Variants in SMYD2 observed in about 807,000 individuals in gnomAD.
The protein encoded by SMYD2 is N-lysine methyltransferase SMYD2.
A neutral mutation model predicts 59.1 loss-of-function variants in SMYD2; 53 were observed. The ratio of observed to expected loss-of-function variants is 0.90; its 90% CI spans 0.72 to 1.13. The LOEUF is 1.13. Among genes scored for constraint, SMYD2 ranks in the 50% most tolerant of loss-of-function variants. The probability of loss-of-function intolerance (pLI) is 0.00; values close to 1 mark genes in which losing one functional copy is unlikely to be tolerated. For missense variants in SMYD2, 494 were observed against 544.7 expected, an observed-to-expected ratio of 0.91 and a Z score of 0.93; for synonymous variants, 208 against 198.8, an observed-to-expected ratio of 1.05 and a Z score of -0.39.
intron 1 of SMYD2, among the ~76,000 whole-genome samples, chr1:214,295,595 C>T (rs1656712914): frequency 6.6e-6 from 1 of 152,154 alleles, no homozygotes; most frequent in East Asian, 1.9e-4. Flanking sequence ...TATTTCCTGC[C>T]TCCCCAAGAG....
At chr1:214,290,339 T>A (rs1009918036) in intron 1 of SMYD2, among the ~76,000 whole-genome samples, 1 of 152,216 alleles carries the variant, frequency 6.6e-6, no homozygotes, top group Non-Finnish European at 1.5e-5. Context: ...ACTCCTTGTG[T>A]TAATTTATTA....
intron 1 of SMYD2, 142 bp from the exon 2 acceptor site, chr1:214,305,045 A>G (rs1249730180): frequency 1.3e-6 from 1 of 771,206 alleles, no homozygotes; most frequent in Non-Finnish European, 2.3e-6. Flanking sequence ...CTTAAGGAAC[A>G]TGCACCTTCT....
At chr1:214,319,444 G>A (rs1044873830) in intron 5 of SMYD2, among the ~76,000 whole-genome samples, 6 of 152,184 alleles carry the variant, frequency 3.9e-5, no homozygotes, top group African/African-American at 7.2e-5. Flanking sequence ...AGTCACTGCC[G>A]AGAGGAGCCC....
intron 1 of SMYD2, 120 bp downstream of exon 1, chr1:214,281,547 G>A: frequency 1.1e-6 from 1 of 901,922 alleles, no homozygotes; most frequent in Non-Finnish European, 1.4e-6. Context: ...CTTGGGGCGG[G>A]GTGGGGGGCG....
At chr1:214,305,100 C>G in intron 1 of SMYD2, 87 bp from the exon 2 acceptor site, 2 of 1,287,046 alleles carry the variant, frequency 1.6e-6, no homozygotes, top group Non-Finnish European at 1.1e-6. Flanking sequence ...TGCTTTCCAA[C>G]CAAGTGGCTT....
In SMYD2 at chr1:214,334,474, G is replaced by T. The variant is rs144224071; in HGVS notation, c.1221+166G>T. Among the ~76,000 whole-genome samples the T allele has an allele frequency of 4.1e-3, 625 of 152,252 alleles. 8 individuals carry two copies. Among genetic ancestry groups the T allele is most frequent in the African/African-American group, 0.014 (572 of 41,562 alleles). Reference sequence around the variant, plus strand: ...GGGGTGGGTCCTGCAGGTGAGGGGGGAGTGAGAGAGTGCACCTCTGCTGTG... The same window carrying T: ...GGGGTGGGTCCTGCAGGTGAGGGGGTAGTGAGAGAGTGCACCTCTGCTGTG... On this transcript the variant is annotated intron_variant, in intron 11 of 11. Transcript: ENST00000366957.
intron 8 of SMYD2, 134 bp from the exon 9 acceptor site, chr1:214,330,815 TC>T: frequency 1.5e-6 from 2 of 1,351,672 alleles, no homozygotes; most frequent in South Asian, 1.4e-5. Context: ...TTGCCTGATT[TC>T]CTTTCATTCT....
At chr1:214,293,778 G>A (rs1336184153) in intron 1 of SMYD2, among the ~76,000 whole-genome samples, 1 of 152,158 alleles carries the variant, frequency 6.6e-6, no homozygotes, top group Admixed American at 6.6e-5. Flanking sequence ...CCAGGTTCAA[G>A]CATTTCTCCT....
rs1339467787 is a variant in SMYD2, at chr1:214,331,088, C to T, written c.937+18C>T. On this transcript the variant is annotated intron_variant, in intron 9 of 11. Transcript: ENST00000366957. ...CTATAAATATATCCTTTACAACTGC[C>T]CTGATAGCTTATTATCCCTCGCCAA... is the stretch of plus-strand genomic sequence containing the variant. 4 of 1,611,902 alleles carry T rather than the reference C, an allele frequency of 2.5e-6. No individual in the cohort carries two copies. Among genetic ancestry groups the T allele is most frequent in the Non-Finnish European group, 3.4e-6 (4 of 1,178,396 alleles).
chr1:214,318,164 G>T lies in SMYD2; in HGVS notation c.409+25G>T, dbSNP rs777738205. The T allele has an allele frequency of 6.2e-7, 1 of 1,610,148 alleles. No homozygotes were observed. Among genetic ancestry groups the T allele is most frequent in the Admixed American group, 1.7e-5 (1 of 59,476 alleles). On this transcript the variant is annotated intron_variant, in intron 4 of 11. Transcript: ENST00000366957. This position sits in a 1 kb window ranked among gnomAD's most constrained non-coding sequence, Gnocchi z 5.4. The stretch of plus-strand genomic sequence containing the variant: ...CGTAAGTCTTTCTGTGACCAGCCGC[G>T]CAGTTCTCTCAGCCACAGATTTCAC...
intron 5 of SMYD2, among the ~76,000 whole-genome samples, chr1:214,322,447 C>T (rs1212710762): frequency 6.6e-6 from 1 of 152,176 alleles, no homozygotes; most frequent in Non-Finnish European, 1.5e-5. Flanking sequence ...CTTACACATG[C>T]CCAACCCCTC....
At chr1:214,327,064 G>A (rs1657275097) in intron 6 of SMYD2, among the ~76,000 whole-genome samples, 1 of 152,226 alleles carries the variant, frequency 6.6e-6, no homozygotes, top group African/African-American at 2.4e-5. Context: ...AGCAGACAGT[G>A]AGCAGCAGGA....
At chr1:214,326,237 C>CAAA (rs35269144) in intron 6 of SMYD2, among the ~76,000 whole-genome samples, 47 of 90,758 alleles carry the variant, frequency 5.2e-4, no homozygotes, top group African/African-American at 1.9e-3. Context: ...GACTCCATCT[C>CAAA]AAAAAAAAAA....
chr1:214,290,475 T>G (rs74704655), intron 1 of SMYD2, among the ~76,000 whole-genome samples: 4,072 of 152,316 alleles, frequency 0.027, 86 homozygotes, highest in Non-Finnish European at 0.043. Flanking sequence ...TGAGAATTCA[T>G]AAGTGCTTAT....
chr1:214,284,134 T>C (rs939233253), intron 1 of SMYD2, among the ~76,000 whole-genome samples: 1 of 152,012 alleles, frequency 6.6e-6, no homozygotes, highest in Admixed American at 6.6e-5. Context: ...AATAATATTA[T>C]ATAAAGTTTT....
At chr1:214,309,719 C>T (rs1281585451) in intron 2 of SMYD2, among the ~76,000 whole-genome samples, 1 of 152,192 alleles carries the variant, frequency 6.6e-6, no homozygotes, top group African/African-American at 2.4e-5. Flanking sequence ...TCACTCCTGT[C>T]AGCCATAGGA....
At chr1:214,322,753 C>CATAT (rs1167279955) in intron 5 of SMYD2, among the ~76,000 whole-genome samples, 2 of 152,204 alleles carry the variant, frequency 1.3e-5, no homozygotes, top group African/African-American at 4.8e-5. Context: ...TTATCATTTA[C>CATAT]ATATCCTTGA....
chr1:214,334,134 A>C (rs989430329), intron 10 of SMYD2, 66 bp from the exon 11 acceptor site: 73 of 1,462,412 alleles, frequency 5.0e-5, no homozygotes, highest in Non-Finnish European at 6.6e-5. Context: ...GGCTTACTGC[A>C]CCCAGCCTGT....
chr1:214,302,210 A>G (rs1656835054), intron 1 of SMYD2, among the ~76,000 whole-genome samples: 1 of 152,026 alleles, frequency 6.6e-6, no homozygotes, highest in Admixed American at 6.6e-5. Context: ...GTCATTACAC[A>G]TGCGTGTCAT....
Sources: allele counts gnomAD v4.1 joint callset (sites outside exome capture counted in the v4.1 genomes callset), GRCh38; gene constraint gnomAD v4.1.1; non-coding constraint Gnocchi (gnomAD v3.1); transcripts MANE v1.5; gene names NCBI Gene and HGNC (gene_info 2026-07-23, HGNC 2026-07-21).